KIAA0930: variants seen among roughly 807,000 people sequenced by gnomAD.
The protein encoded by KIAA0930 is KIAA0930, also known as uncharacterized protein KIAA0930.
In KIAA0930, 24 loss-of-function variants were observed where a neutral mutation model predicts 43.9. The ratio of observed to expected loss-of-function variants is 0.55; its 90% CI spans 0.40 to 0.77. KIAA0930 has a LOEUF of 0.77. Among genes scored for constraint, KIAA0930 ranks in the 30% least tolerant of loss-of-function variants. KIAA0930 has a pLI of 0.00. For missense variants in KIAA0930, 461 were observed against 574.2 expected (o/e 0.80, Z 2.02); for synonymous variants, 259 against 216.4 (o/e 1.20, Z -1.73).
intron 1 of KIAA0930, chr22:45,212,367 T>A (rs1247906908): frequency 6.3e-7 from 1 of 1,596,750 alleles, no homozygotes; most frequent in South Asian, 1.1e-5. Flanking sequence ...CAGCTGAGCC[T>A]GACTCCAGCC....
Position 45,194,052 on chromosome 22 carries a change from C to CTTTTTTTTTTTTTTT in KIAA0930, c.*3109_*3123dup, listed in dbSNP as rs71190644. The CTTTTTTTTTTTTTTT allele has an allele frequency of 2.7e-4, 12 of 44,346 alleles. 3 individuals are homozygous for CTTTTTTTTTTTTTTT. The highest frequency in any genetic ancestry group is 7.5e-4 in the East Asian group (1 of 1,332). The allele number at this position is 44,346 out of a possible 1,614,324, so 2.7% of individuals were successfully genotyped here. A position where few individuals can be genotyped will look rare whatever the true frequency, so the allele number is the denominator to read the frequency against. Reference sequence around the variant, plus strand: ...GGTTTGGGTTTAAAGACCAATGTATCTTTTTTTTTTTTTTTTTTTTTTTTT... The same window carrying CTTTTTTTTTTTTTTT: ...GGTTTGGGTTTAAAGACCAATGTATCTTTTTTTTTTTTTTTTTTTTTTTTTTTTTTTTTTTTTTTT... On this transcript the variant is annotated 3_prime_UTR_variant, in exon 10 of 10. Coordinates refer to ENST00000336156, the MANE Select transcript of KIAA0930 (RefSeq NM_001009880.2).
rs1186642970 is a variant in KIAA0930, at chr22:45,205,897, C to T, written c.232G>A (p.Val78Met). The T allele has an allele frequency of 6.2e-7, 1 of 1,613,414 alleles. No homozygotes were observed. Among genetic ancestry groups the T allele is most frequent in the Non-Finnish European group, 8.5e-7 (1 of 1,180,016 alleles). Residue 78 changes from valine to methionine, a missense_variant, in exon 3 of 10, where the codon GTG becomes ATG. Val to Met is a conservative substitution (Grantham distance 21, BLOSUM62 1). Transcript: ENST00000336156. The part of the protein sequence containing the change: ...ADGRKAAEPE[V>M]EVEVYRRDSK... ...TCCCGCCGGTACACCTCCACCTCCA[C>T]CTCAGGCTCAGCTGCCTGCGAGGCC...
intron 2 of KIAA0930, among the ~76,000 whole-genome samples, chr22:45,206,464 C>T (rs532011354): frequency 6.6e-6 from 1 of 152,332 alleles, no homozygotes; most frequent in South Asian, 2.1e-4. Context: ...ATTTAAAGAG[C>T]TCATATTTGC....
intron 1 of KIAA0930, among the ~76,000 whole-genome samples, chr22:45,229,691 C>T (rs893012084): frequency 2.6e-5 from 4 of 152,294 alleles, no homozygotes; most frequent in Admixed American, 6.5e-5. Flanking sequence ...GAGGGGACCT[C>T]GGGAAACCCC....
rs1284618701 is a variant in KIAA0930, at chr22:45,196,246, G to C, written c.*930C>G. The C allele has an allele frequency of 1.3e-5, 2 of 152,194 alleles. No individual in the cohort carries two copies. The highest frequency in any genetic ancestry group is 2.4e-5 in the African/African-American group (1 of 41,414). The allele number at this position is 152,194 out of a possible 1,614,324, so 9.4% of individuals were successfully genotyped here. On this transcript the variant is annotated 3_prime_UTR_variant, in exon 10 of 10. Coordinates refer to ENST00000336156, the MANE Select transcript of KIAA0930 (RefSeq NM_001009880.2). This position sits in a 1 kb window ranked among gnomAD's most constrained non-coding sequence, Gnocchi z 4.1. The stretch of plus-strand genomic sequence containing the variant: ...CCTCAGTGAGCTGGTCTGAGAGATG[G>C]GACCAACACACGCCGTCAAAGGAAG...
chr22:45,221,900 A>G (rs2083770082), intron 1 of KIAA0930, among the ~76,000 whole-genome samples: 2 of 152,122 alleles, frequency 1.3e-5, no homozygotes, highest in African/African-American at 4.8e-5. Flanking sequence ...ACGCCAGGCT[A>G]ATTTTTCTAT....
At chr22:45,211,242 T>C (rs2083690661) in intron 2 of KIAA0930, 1 of 393,502 alleles carries the variant, frequency 2.5e-6, no homozygotes, top group South Asian at 1.4e-4. Flanking sequence ...TTTCTTGTTT[T>C]TGAAGGAAAA....
chr22:45,232,822 G>A (rs1314113048), intron 1 of KIAA0930, among the ~76,000 whole-genome samples: 2 of 152,184 alleles, frequency 1.3e-5, no homozygotes, highest in African/African-American at 4.8e-5. Flanking sequence ...CCATGTGGTG[G>A]GGCTGAGCCA....
chr22:45,207,891 TG>T (rs1569075365), intron 2 of KIAA0930: 1 of 169,000 alleles, frequency 5.9e-6, no homozygotes, highest in Non-Finnish European at 1.5e-5. Flanking sequence ...GCCCCTGAGC[TG>T]AGAGTCCTGG....
chr22:45,233,689 G>C (rs1169417830), intron 1 of KIAA0930, among the ~76,000 whole-genome samples: 4 of 152,172 alleles, frequency 2.6e-5, no homozygotes, highest in African/African-American at 9.7e-5. Context: ...GGGTTTGGGT[G>C]ATAGGCAGTG....
At chr22:45,208,980 A>G (rs994398184) in intron 2 of KIAA0930, among the ~76,000 whole-genome samples, 5 of 152,216 alleles carry the variant, frequency 3.3e-5, no homozygotes, top group African/African-American at 1.2e-4. Context: ...AAGGCACACA[A>G]TGGGCTGCCC....
At chr22:45,200,275 G>A in intron 7 of KIAA0930, 1 of 433,596 alleles carries the variant, frequency 2.3e-6, no homozygotes. Context: ...GAGGGGCCAG[G>A]CTGCTGCCGC....
intron 1 of KIAA0930, among the ~76,000 whole-genome samples, chr22:45,224,171 C>T (rs1185777118): frequency 6.6e-6 from 1 of 152,130 alleles, no homozygotes; most frequent in African/African-American, 2.4e-5. Context: ...AGCCAGGACA[C>T]AAAATTATAC....
At chr22:45,229,023 C>T (rs117158474) in intron 1 of KIAA0930, among the ~76,000 whole-genome samples, 9 of 5,928 alleles carry the variant, frequency 1.5e-3, no homozygotes, top group Non-Finnish European at 2.5e-3. Context: ...AACACTCACC[C>T]GAAAGATCCC....
chr22:45,218,128 G>A (rs539659422), intron 1 of KIAA0930, among the ~76,000 whole-genome samples: 73 of 152,162 alleles, frequency 4.8e-4, no homozygotes, highest in African/African-American at 1.6e-3. Flanking sequence ...ATGACAGCTC[G>A]CGCGTGCCCT....
At chr22:45,211,933 G>T (rs749292172) in intron 2 of KIAA0930, 23 bp downstream of exon 2, 2 of 1,604,168 alleles carry the variant, frequency 1.2e-6, no homozygotes, top group Non-Finnish European at 1.7e-6. Flanking sequence ...CAGACGCAGG[G>T]GCAGGGGCCG....
chr22:45,222,141 C>T (rs1346598125), intron 1 of KIAA0930, among the ~76,000 whole-genome samples: 2 of 151,962 alleles, frequency 1.3e-5, no homozygotes, highest in African/African-American at 4.8e-5. Context: ...AGGTTGGGTC[C>T]CTGCTCAAGC....
chr22:45,205,146 C>CG (rs2083624876), intron 5 of KIAA0930, 71 bp downstream of exon 5: 18 of 1,287,554 alleles, frequency 1.4e-5, no homozygotes, highest in Non-Finnish European at 1.8e-5. Flanking sequence ...GCTAAGGCCG[C>CG]GGGGAGAAGC....
At chr22:45,234,383 A>T (rs2083873431) in intron 1 of KIAA0930, among the ~76,000 whole-genome samples, 2 of 152,240 alleles carry the variant, frequency 1.3e-5, no homozygotes, top group African/African-American at 2.4e-5. Context: ...TTGGAGGATC[A>T]CAGACTGGCA....
Sources: allele counts gnomAD v4.1 joint callset (sites outside exome capture counted in the v4.1 genomes callset), GRCh38; gene constraint gnomAD v4.1.1; non-coding constraint Gnocchi (gnomAD v3.1); transcripts MANE v1.5; gene names NCBI Gene and HGNC (gene_info 2026-07-23, HGNC 2026-07-21).